QTMAN: variants seen among roughly 807,000 people sequenced by gnomAD.
QTMAN encodes the protein tRNA-queuosine alpha-mannosyltransferase.
chr2:144,124,099 A>G, the QTMAN span, among the ~76,000 whole-genome samples: 2 of 152,104 alleles, frequency 1.3e-5, no homozygotes, highest in Non-Finnish European at 2.9e-5. Flanking sequence ...GAACATACAA[A>G]TTATCCACAC....
chr2:144,249,066 A>C, the QTMAN span, among the ~76,000 whole-genome samples: 1 of 152,186 alleles, frequency 6.6e-6, no homozygotes, highest in Non-Finnish European at 1.5e-5. Context: ...ATTTCTCTTT[A>C]TGTGAGTGTA....
chr2:144,194,438 G>C, the QTMAN span, among the ~76,000 whole-genome samples: 3 of 152,216 alleles, frequency 2.0e-5, no homozygotes, highest in Non-Finnish European at 4.4e-5. Flanking sequence ...ATGCCTAATA[G>C]GTACAAGAGA....
chr2:144,273,325 T>C, the QTMAN span, among the ~76,000 whole-genome samples: 2 of 152,258 alleles, frequency 1.3e-5, no homozygotes, highest in African/African-American at 4.8e-5. Context: ...TAAGATGTTA[T>C]TCCAACATGA....
At chr2:144,138,497 A>G in the QTMAN span, among the ~76,000 whole-genome samples, 1 of 152,124 alleles carries the variant, frequency 6.6e-6, no homozygotes, top group Non-Finnish European at 1.5e-5. Context: ...AATAGGAATA[A>G]TTCAGAAGAA....
At chr2:144,162,204 T>A in the QTMAN span, among the ~76,000 whole-genome samples, 1 of 152,124 alleles carries the variant, frequency 6.6e-6, no homozygotes, top group Non-Finnish European at 1.5e-5. Flanking sequence ...GACACTGTCC[T>A]GGGTGTTTTC....
At chr2:144,012,102 C>CCAATATG in the QTMAN span, among the ~76,000 whole-genome samples, 1 of 152,030 alleles carries the variant, frequency 6.6e-6, no homozygotes, top group African/African-American at 2.4e-5. Flanking sequence ...CAACCAATAG[C>CCAATATG]CAATATGTGA....
chr2:143,946,809 T>C, the QTMAN span: 2 of 510,056 alleles, frequency 3.9e-6, no homozygotes, highest in Non-Finnish European at 7.0e-6. Flanking sequence ...GCCGAGGACA[T>C]GTGTAACCAT....
the QTMAN span, among the ~76,000 whole-genome samples, chr2:144,249,456 C>T: frequency 2.0e-5 from 3 of 152,116 alleles, no homozygotes; most frequent in Non-Finnish European, 2.9e-5. Flanking sequence ...ATTTATCCAC[C>T]CTCACTTTCC....
chr2:144,072,211 G>A, the QTMAN span, among the ~76,000 whole-genome samples: 1 of 152,082 alleles, frequency 6.6e-6, no homozygotes, highest in African/African-American at 2.4e-5. Context: ...TTATGTGGAG[G>A]AAAAATAGGA....
the QTMAN span, among the ~76,000 whole-genome samples, chr2:144,241,625 C>A: frequency 1.3e-5 from 2 of 152,136 alleles, no homozygotes; most frequent in Admixed American, 1.3e-4. Flanking sequence ...TCAAAATATT[C>A]TTGCTGATCT....
At chr2:144,303,951 G>A in the QTMAN span, among the ~76,000 whole-genome samples, 1 of 152,312 alleles carries the variant, frequency 6.6e-6, no homozygotes, top group East Asian at 1.9e-4. Context: ...GAAGCCTGAG[G>A]TAGCTTAAGT....
At chr2:144,259,436 G>T in the QTMAN span, among the ~76,000 whole-genome samples, 1 of 152,148 alleles carries the variant, frequency 6.6e-6, no homozygotes, top group African/African-American at 2.4e-5. Context: ...TGGGATTACA[G>T]GCATGAGCCA....
the QTMAN span, among the ~76,000 whole-genome samples, chr2:144,102,961 T>C: frequency 2.0e-5 from 3 of 151,974 alleles, no homozygotes; most frequent in Non-Finnish European, 4.4e-5. Context: ...TGTCCCTCCC[T>C]CCCACCACTT....
chr2:144,158,446 T>C, the QTMAN span, among the ~76,000 whole-genome samples: 7 of 151,974 alleles, frequency 4.6e-5, no homozygotes, highest in East Asian at 3.9e-4. Flanking sequence ...TGTGCCAGAA[T>C]GTAACATAAG....
At chr2:144,271,076 A>T in the QTMAN span, among the ~76,000 whole-genome samples, 2 of 152,280 alleles carry the variant, frequency 1.3e-5, no homozygotes, top group African/African-American at 4.8e-5. Context: ...ACTAATTCTT[A>T]TTAGTTTTTT....
the QTMAN span, among the ~76,000 whole-genome samples, chr2:143,993,992 T>C: frequency 6.6e-6 from 1 of 152,190 alleles, no homozygotes; most frequent in African/African-American, 2.4e-5. Context: ...TCTCTTCCTG[T>C]ACTATGGGCT....
At chr2:144,026,005 A>C in the QTMAN span, among the ~76,000 whole-genome samples, 5 of 151,680 alleles carry the variant, frequency 3.3e-5, no homozygotes, top group Admixed American at 3.3e-4. Flanking sequence ...ACAACTTGGG[A>C]AGATACTATG....
At chr2:144,101,690 T>C in the QTMAN span, among the ~76,000 whole-genome samples, 1 of 151,966 alleles carries the variant, frequency 6.6e-6, no homozygotes, top group South Asian at 2.1e-4. Flanking sequence ...CACATATAAA[T>C]AAATATATAT....
the QTMAN span, among the ~76,000 whole-genome samples, chr2:144,126,951 T>C: frequency 6.6e-6 from 1 of 152,024 alleles, no homozygotes; most frequent in Admixed American, 6.6e-5. Context: ...TGTGCTAAAC[T>C]GTAAAATCTT....
Sources: allele counts gnomAD v4.1 joint callset (sites outside exome capture counted in the v4.1 genomes callset), GRCh38; gene constraint gnomAD v4.1.1; transcripts MANE v1.5; gene names NCBI Gene and HGNC (gene_info 2026-07-23, HGNC 2026-07-21).